CLASP1: variants seen among roughly 807,000 people sequenced by gnomAD.
The protein encoded by CLASP1 is cytoplasmic linker associated protein 1.
CLASP1 carries 38 observed loss-of-function variants against 192.3 expected under a neutral mutation model. The observed-to-expected ratio is 0.20, with a 90% CI of 0.15 to 0.26. CLASP1 has a LOEUF of 0.26. Ranked by LOEUF, CLASP1 falls within the 10% of genes least tolerant of loss-of-function variation. The pLI, the probability that CLASP1 is intolerant of heterozygous loss-of-function variation, is 1.00. For synonymous variants in CLASP1, 691 were observed against 712.8 expected (o/e 0.97, Z 0.49); for missense variants, 1,433 against 1,932.5 (o/e 0.74, Z 4.85).
chr2:121,485,988 C>T (rs993754282), intron 8 of CLASP1, among the ~76,000 whole-genome samples: 2 of 152,158 alleles, frequency 1.3e-5, no homozygotes, highest in African/African-American at 2.4e-5. Flanking sequence ...CTGAGGAAGC[C>T]TCTGCACCCA....
intron 2 of CLASP1, among the ~76,000 whole-genome samples, chr2:121,537,314 C>A (rs540585610): frequency 6.6e-6 from 1 of 152,018 alleles, no homozygotes; most frequent in South Asian, 2.1e-4. Context: ...ATCGCTCGAG[C>A]CCAGGAGGTT....
rs777507405 is a variant in CLASP1, at chr2:121,530,953, A to G, written c.196-628T>C. The stretch of plus-strand genomic sequence containing the variant: ...AGGGCAGTACTGCTAACGCCTGAAC[A>G]ACACACCCGCATCAACTAGAGCTTT... On this transcript the variant is annotated intron_variant, in intron 2 of 39. Coordinates refer to ENST00000263710, the Ensembl canonical transcript of CLASP1. The G allele has an allele frequency of 2.9e-5, 20 of 700,434 alleles. No individual in the cohort carries two copies. The highest frequency in any genetic ancestry group is 1.2e-4 in the Admixed American group (6 of 50,014). The allele number at this position is 700,434 out of a possible 1,614,324, so 43.4% of individuals were successfully genotyped here.
intron 2 of CLASP1, among the ~76,000 whole-genome samples, chr2:121,582,091 A>G (rs914124867): frequency 6.6e-6 from 1 of 152,012 alleles, no homozygotes. Context: ...TGAACCCAGG[A>G]GATGGAGGTG....
At chr2:121,591,659 T>G (rs753922040) in intron 2 of CLASP1, among the ~76,000 whole-genome samples, 1 of 152,180 alleles carries the variant, frequency 6.6e-6, no homozygotes, top group African/African-American at 2.4e-5. Flanking sequence ...TCTCAGAATT[T>G]TATCTCTATT....
intron 9 of CLASP1, among the ~76,000 whole-genome samples, chr2:121,469,548 C>T (rs1028489266): frequency 1.3e-5 from 2 of 152,174 alleles, no homozygotes; most frequent in African/African-American, 4.8e-5. Flanking sequence ...GCTATGCTTT[C>T]CTCTGTGCTG....
chr2:121,494,749 G>A (rs1195450347), intron 8 of CLASP1, among the ~76,000 whole-genome samples: 9 of 152,142 alleles, frequency 5.9e-5, no homozygotes, highest in Admixed American at 1.3e-4. Flanking sequence ...GGCCAACCAC[G>A]TTGGCTCATG....
At position 121,520,624 on chromosome 2, in the gene CLASP1, G is replaced by C. The variant is rs181283949; in HGVS notation, c.547-4862C>G. The stretch of plus-strand genomic sequence containing the variant: ...AACTCAACAAGAGGGCCAGCAGTCA[G>C]CATGGGGAGTCCCACTGGATGCAAC... On this transcript the variant is annotated intron_variant, in intron 6 of 39. Transcript: ENST00000263710. Among the ~76,000 whole-genome samples the C allele has an allele frequency of 1.1e-3, 165 of 152,370 alleles. 1 individual carries two copies. Among genetic ancestry groups the C allele is most frequent in the Admixed American group, 3.1e-3 (48 of 15,300 alleles).
At chr2:121,530,992 T>G (rs1226373096) in intron 2 of CLASP1, 6 of 700,350 alleles carry the variant, frequency 8.6e-6, no homozygotes, top group South Asian at 1.5e-5. Flanking sequence ...TTTATTTTGG[T>G]GCAATTTTTG....
At position 121,482,873 on chromosome 2, in the gene CLASP1, T is replaced by C. The variant is rs571757446; in HGVS notation, c.713-12913A>G. Among the ~76,000 whole-genome samples the C allele has an allele frequency of 2.6e-5, 4 of 152,278 alleles. No individual in the cohort carries two copies. In the South Asian group the frequency reaches 8.3e-4, roughly 32 times the overall value. ...TCATTTCCAGACATATGTGTGTTAG[T>C]GCCTCAAACTCTCCCCAGGACCGGA... On this transcript the variant is annotated intron_variant, in intron 8 of 39. Transcript: ENST00000263710.
Position 121,458,826 on chromosome 2 carries a change from T to C in CLASP1, c.1314+14A>G, listed in dbSNP as rs1575059720. 8 of 1,591,606 alleles carry C rather than the reference T, an allele frequency of 5.0e-6. No homozygotes were observed. The highest frequency in any genetic ancestry group is 6.8e-6 in the Non-Finnish European group (8 of 1,169,576). On this transcript the variant is annotated intron_variant, in intron 13 of 39. Coordinates refer to ENST00000263710, the Ensembl canonical transcript of CLASP1. ...CCACTTGCTTATTTCAAGCATGGCC[T>C]ATAACATACTTACCCGAATAATTAA...
At chr2:121,339,118 AACACACACAACACCAC>A (rs1558777440) in exon 40 of CLASP1, 1 of 141,206 alleles carries the variant, frequency 7.1e-6, no homozygotes, top group Non-Finnish European at 1.5e-5. Flanking sequence ...TGCACGCACA[AACACACACAACACCAC>A]ACACACACAC....
intron 2 of CLASP1, among the ~76,000 whole-genome samples, chr2:121,590,121 A>G (rs776649667): frequency 1.3e-5 from 2 of 152,194 alleles, no homozygotes; most frequent in African/African-American, 2.4e-5. Context: ...TGCTGCTCCT[A>G]GAAGCAAACA....
At chr2:121,590,843 TA>T in intron 2 of CLASP1, among the ~76,000 whole-genome samples, 1 of 151,592 alleles carries the variant, frequency 6.6e-6, no homozygotes, top group South Asian at 2.1e-4. Flanking sequence ...GCTATTTTTC[TA>T]AATGTTCTTC....
At chr2:121,416,692 T>A (rs1441165375) in intron 23 of CLASP1, among the ~76,000 whole-genome samples, 1 of 152,208 alleles carries the variant, frequency 6.6e-6, no homozygotes, top group African/African-American at 2.4e-5. Flanking sequence ...GCATTTAATA[T>A]ATTTTCGAGA....
chr2:121,629,113 C>T (rs750011584), intron 1 of CLASP1, among the ~76,000 whole-genome samples: 2 of 152,026 alleles, frequency 1.3e-5, no homozygotes, highest in East Asian at 1.9e-4. Context: ...CTGTTCTTGC[C>T]GGGCGCGGTG....
chr2:121,418,481 G>T, intron 23 of CLASP1, 141 bp downstream of exon 23: 1 of 644,450 alleles, frequency 1.6e-6, no homozygotes. Flanking sequence ...GGGGACAAGG[G>T]GTAACTAAGG....
intron 30 of CLASP1, among the ~76,000 whole-genome samples, chr2:121,392,537 T>C (rs1156837228): frequency 6.6e-6 from 1 of 152,152 alleles, no homozygotes; most frequent in East Asian, 1.9e-4. Context: ...CAGCCTCCCA[T>C]GAGGCTGGAA....
chr2:121,648,959 AGTT>A (rs2073703198), intron 1 of CLASP1, among the ~76,000 whole-genome samples: 2 of 152,024 alleles, frequency 1.3e-5, no homozygotes, highest in South Asian at 4.1e-4. Flanking sequence ...GCCAATGACT[AGTT>A]GTTGTGGGTT....
At chr2:121,531,421 C>A (rs1003532701) in intron 2 of CLASP1, among the ~76,000 whole-genome samples, 2 of 151,272 alleles carry the variant, frequency 1.3e-5, no homozygotes, top group African/African-American at 4.9e-5. Context: ...CAGTGAAACT[C>A]CGTCTCTCCT....
Sources: gnomAD v4.1 joint callset for allele counts (sites outside exome capture counted in the v4.1 genomes callset) on GRCh38, gnomAD v4.1.1 for gene constraint, MANE v1.5 for transcripts, NCBI Gene and HGNC (gene_info 2026-07-23, HGNC 2026-07-21) for gene names.